The following AP2A2 variants were observed in gnomAD, a reference collection of about 807,000 sequenced individuals.
The protein encoded by AP2A2 is adaptor related protein complex 2 subunit alpha 2.
In AP2A2, 32 loss-of-function variants were observed where a neutral mutation model predicts 104.2. That is an observed-to-expected ratio of 0.31 (90% confidence interval 0.23 to 0.41). AP2A2 has a LOEUF of 0.41. AP2A2 is among the 10% of genes least tolerant of loss of function. AP2A2 has a pLI of 1.00. For missense variants in AP2A2, 912 were observed against 1,261.0 expected, an observed-to-expected ratio of 0.72 and a Z score of 4.19; for synonymous variants, 539 against 533.3, an observed-to-expected ratio of 1.01 and a Z score of -0.15.
At chr11:934,948 T>G (rs889194373) in intron 1 of AP2A2, among the ~76,000 whole-genome samples, 1 of 152,006 alleles carries the variant, frequency 6.6e-6, no homozygotes, top group African/African-American at 2.4e-5. Context: ...AGCCTCTGTC[T>G]CCTGGGTTCA....
chr11:993,871 C>T lies in AP2A2; in HGVS notation c.1668C>T (p.Pro556=), dbSNP rs1334036027. The T allele has an allele frequency of 6.2e-7, 1 of 1,610,286 alleles. No homozygotes were observed. The highest frequency in any genetic ancestry group is 8.5e-7 in the Non-Finnish European group (1 of 1,179,706). Residue 556 remains proline (P), a synonymous_variant, in exon 13 of 22, where the codon CCC becomes CCT. Transcript: ENST00000448903. The surrounding 1 kb of genome is among the most constrained non-coding windows in gnomAD (Gnocchi z 8.2). ...KFVNLFPEVK[P]TIQDVLRSDS... is the part of the protein sequence containing the mutation. ...TGAACCTCTTCCCGGAGGTGAAGCCCACCATCCAGGACGTGCTGCGCAGCG... is the reference window on the plus strand; with the variant it reads ...TGAACCTCTTCCCGGAGGTGAAGCCTACCATCCAGGACGTGCTGCGCAGCG...
intron 1 of AP2A2, among the ~76,000 whole-genome samples, chr11:932,145 G>A (rs1853311688): frequency 6.6e-6 from 1 of 152,186 alleles, no homozygotes; most frequent in Admixed American, 6.6e-5. Context: ...TGGAGACGTG[G>A]TTTCACCAAG....
intron 9 of AP2A2, among the ~76,000 whole-genome samples, chr11:988,335 G>A (rs1855531162): frequency 1.3e-5 from 2 of 152,266 alleles, no homozygotes; most frequent in East Asian, 3.8e-4. Context: ...TCCTAGCGAA[G>A]CTGGCCTGTG....
At chr11:1,003,182 C>G (rs912456444) in intron 15 of AP2A2, among the ~76,000 whole-genome samples, 1 of 152,214 alleles carries the variant, frequency 6.6e-6, no homozygotes, top group Non-Finnish European at 1.5e-5. Flanking sequence ...GCTCCCTGTG[C>G]GGTGTAGACA....
chr11:953,182 CCTCT>C (rs1308537797), intron 1 of AP2A2, among the ~76,000 whole-genome samples: 1 of 152,130 alleles, frequency 6.6e-6, no homozygotes, highest in Admixed American at 6.6e-5. Flanking sequence ...TTTGAGACAG[CCTCT>C]CTCTCTGTCA....
chr11:972,481 GC>G (rs1232309140), intron 4 of AP2A2, among the ~76,000 whole-genome samples: 2 of 152,176 alleles, frequency 1.3e-5, no homozygotes, highest in African/African-American at 4.8e-5. Flanking sequence ...AATCGCTTGA[GC>G]CCAGGAGTTC....
At chr11:971,518 T>A (rs2134624892) in intron 3 of AP2A2, among the ~76,000 whole-genome samples, 1 of 151,030 alleles carries the variant, frequency 6.6e-6, no homozygotes, top group South Asian at 2.1e-4. Context: ...GTGGGGAGGG[T>A]GTCACCTTCG....
chr11:986,489 C>T lies in AP2A2; in HGVS notation c.963-296C>T, dbSNP rs535792144. ...GCCGGTCACAGCTTGACCGGCCTCC[C>T]GCGGGCCTGATGCAGATTGAGGCTC... On this transcript the variant is annotated intron_variant, in intron 8 of 21. Transcript: ENST00000448903. 1.1e-4 allele frequency among the ~76,000 whole-genome samples: 16 copies of T among 152,306 alleles called. No homozygotes were observed. In the East Asian group the frequency reaches 1.9e-3, roughly 18 times the overall value.
chr11:964,308 C>A (rs969164756), intron 2 of AP2A2, among the ~76,000 whole-genome samples: 31 of 152,342 alleles, frequency 2.0e-4, no homozygotes, highest in African/African-American at 6.7e-4. Flanking sequence ...CATCACGAAC[C>A]ATCCTGCTTC....
At position 1,006,635 on chromosome 11, in the gene AP2A2, G is replaced by A; in HGVS notation, c.2296+18G>A. On this transcript the variant is annotated intron_variant, in intron 17 of 21. Transcript: ENST00000448903. The stretch of plus-strand genomic sequence containing the variant: ...TCAGCCTAATATCCTTGGCTTCATT[G>A]CCCCATGCCCGCAGACAGCATAATG... 1 of 1,591,620 alleles carries A rather than the reference G, an allele frequency of 6.3e-7. No individual in the cohort carries two copies. Among genetic ancestry groups the A allele is most frequent in the Non-Finnish European group, 8.6e-7 (1 of 1,160,678 alleles).
intron 4 of AP2A2, among the ~76,000 whole-genome samples, chr11:976,019 G>A (rs7483870): frequency 0.17 from 26,535 of 152,210 alleles, 2,913 homozygotes; most frequent in Admixed American, 0.28. Context: ...ATGGAACCTG[G>A]TTGGCTCTTC....
rs759978873 is a variant in AP2A2 at position 972,239 on chromosome 11, A to T, written c.457A>T (p.Lys153Ter). 6.2e-7 allele frequency: 1 copy of T among 1,602,500 alleles called. No homozygotes were observed. The highest frequency in any genetic ancestry group is 1.3e-5 in the African/African-American group (1 of 74,838). The stretch of plus-strand genomic sequence containing the variant: ...CGAGGCCTTCGCCGGGGAGATCCCT[A>T]AGGTCCTCGTAGCCGGGTATGTGCC... ...MAEAFAGEIP[K>*]VLVAGDTMDS... Residue 153 changes from lysine (K) to a stop codon, truncating the protein, a stop_gained, in exon 4 of 22, where the codon AAG becomes TAG. Coordinates refer to ENST00000448903, the MANE Select transcript of AP2A2 (RefSeq NM_012305.4). LOFTEE classifies it high-confidence loss of function.
intron 1 of AP2A2, among the ~76,000 whole-genome samples, chr11:935,448 A>G (rs1247587947): frequency 1.3e-5 from 2 of 151,628 alleles, no homozygotes; most frequent in Non-Finnish European, 2.9e-5. Context: ...GATTACAGGC[A>G]TGAGCCACTG....
intron 4 of AP2A2, among the ~76,000 whole-genome samples, chr11:973,436 C>T (rs1012590113): frequency 2.0e-5 from 3 of 152,078 alleles, no homozygotes; most frequent in Admixed American, 1.3e-4. Flanking sequence ...AGGAGGAGCC[C>T]GGCTGGCAGA....
At position 968,570 on chromosome 11, in the gene AP2A2, G is replaced by A. The variant is rs1301763101; in HGVS notation, c.137-1599G>A. Among the ~76,000 whole-genome samples the A allele has an allele frequency of 1.3e-5, 2 of 152,188 alleles. No homozygotes were observed. Among genetic ancestry groups the A allele is most frequent in the Non-Finnish European group, 2.9e-5 (2 of 68,030 alleles). On this transcript the variant is annotated intron_variant, in intron 2 of 21. Transcript: ENST00000448903. This position sits in a 1 kb window ranked among gnomAD's most constrained non-coding sequence, Gnocchi z 4.2. ...AACAGGGAAGTCTCCGGAGGGAGGAGGAGGTCAAGCAGTATTTTTGGCTGT... is the reference window on the plus strand; with the variant it reads ...AACAGGGAAGTCTCCGGAGGGAGGAAGAGGTCAAGCAGTATTTTTGGCTGT...
intron 1 of AP2A2, among the ~76,000 whole-genome samples, chr11:947,379 AT>A (rs1273982014): frequency 6.6e-6 from 1 of 152,238 alleles, no homozygotes; most frequent in Non-Finnish European, 1.5e-5. Flanking sequence ...CTTATAACAT[AT>A]AAAGGTGTGA....
At chr11:933,075 G>A (rs964429066) in intron 1 of AP2A2, among the ~76,000 whole-genome samples, 1 of 152,188 alleles carries the variant, frequency 6.6e-6, no homozygotes, top group Non-Finnish European at 1.5e-5. Flanking sequence ...TTCGAGACCA[G>A]CCTGACCAAC....
chr11:984,606 T>C (rs1446763069), intron 6 of AP2A2, 39 bp from the exon 7 acceptor site: 1 of 1,526,152 alleles, frequency 6.6e-7, no homozygotes, highest in Non-Finnish European at 9.1e-7. Context: ...TAGGGGCTCG[T>C]GTCCGGCAGC....
chr11:980,650 G>A lies in AP2A2; in HGVS notation c.604-548G>A, dbSNP rs958699758. ...CAGGAGGAGCGGGGAGGGAGGACTCGCGTGCTGGGCCTAGTGGCCTCATCC... is the reference window on the plus strand; with the variant it reads ...CAGGAGGAGCGGGGAGGGAGGACTCACGTGCTGGGCCTAGTGGCCTCATCC... On this transcript the variant is annotated intron_variant, in intron 5 of 21. Coordinates refer to ENST00000448903, the MANE Select transcript of AP2A2 (RefSeq NM_012305.4). Among the ~76,000 whole-genome samples the A allele has an allele frequency of 5.3e-5, 8 of 152,306 alleles. No individual in the cohort carries two copies. The East Asian group carries it at 5.8e-4, about 11-fold the overall frequency.
Sources: gnomAD v4.1 joint callset for allele counts (sites outside exome capture counted in the v4.1 genomes callset) on GRCh38, gnomAD v4.1.1 for gene constraint, Gnocchi (gnomAD v3.1) non-coding constraint, MANE v1.5 for transcripts, NCBI Gene and HGNC (gene_info 2026-07-23, HGNC 2026-07-21) for gene names.